The following DSCAM variants were observed in gnomAD, a reference collection of about 807,000 sequenced individuals.
DSCAM encodes DS cell adhesion molecule.
In DSCAM, 47 loss-of-function variants were observed where a neutral mutation model predicts 217.7. That is an observed-to-expected ratio of 0.22 (90% CI 0.17 to 0.28). DSCAM has a LOEUF of 0.28. Ranked by LOEUF, DSCAM falls within the 10% of genes least tolerant of loss-of-function variation. The pLI is 1.00. For missense variants in DSCAM, 2,080 were observed against 2,618.3 expected, an observed-to-expected ratio of 0.79 and a Z score of 4.49; for synonymous variants, 1,056 against 1,015.3, an observed-to-expected ratio of 1.04 and a Z score of -0.76.
At chr21:40,111,624 T>C (rs2089900139) in intron 20 of DSCAM, among the ~76,000 whole-genome samples, 1 of 152,174 alleles carries the variant, frequency 6.6e-6, no homozygotes, top group South Asian at 2.1e-4. Flanking sequence ...GACTGGCAAA[T>C]TGGATAAAGA....
chr21:40,554,671 AT>A (rs912393909), intron 3 of DSCAM, among the ~76,000 whole-genome samples: 4 of 152,196 alleles, frequency 2.6e-5, no homozygotes, highest in African/African-American at 7.2e-5. Flanking sequence ...GCACTAAATT[AT>A]TTTTTAAAAT....
chr21:40,557,172 T>G (rs1171330620), intron 3 of DSCAM, among the ~76,000 whole-genome samples: 2 of 152,072 alleles, frequency 1.3e-5, no homozygotes, highest in African/African-American at 4.8e-5. Flanking sequence ...ATACTAAAAT[T>G]TTATCCCCAG....
chr21:40,837,703 C>A (rs540703562), intron 1 of DSCAM, among the ~76,000 whole-genome samples: 1 of 152,164 alleles, frequency 6.6e-6, no homozygotes, highest in East Asian at 1.9e-4. Flanking sequence ...CACTAGCCAA[C>A]GAAATAGACA....
At chr21:40,165,565 C>A (rs939884375) in intron 16 of DSCAM, among the ~76,000 whole-genome samples, 1 of 152,228 alleles carries the variant, frequency 6.6e-6, no homozygotes, top group Non-Finnish European at 1.5e-5. Flanking sequence ...AGAAATTTAA[C>A]TGCAATGCAC....
At chr21:40,364,519 G>A (rs1432367263) in intron 4 of DSCAM, among the ~76,000 whole-genome samples, 2 of 142,522 alleles carry the variant, frequency 1.4e-5, no homozygotes, top group Non-Finnish European at 3.1e-5. Flanking sequence ...CACACACCGG[G>A]GCCTGTTGTG....
intron 1 of DSCAM, among the ~76,000 whole-genome samples, chr21:40,744,496 G>A (rs1028743927): frequency 9.2e-5 from 14 of 151,616 alleles, no homozygotes; most frequent in African/African-American, 3.4e-4. Flanking sequence ...GTTCCAGTAC[G>A]TATTTAAGTC....
chr21:40,839,604 G>T (rs1465143177), intron 1 of DSCAM, among the ~76,000 whole-genome samples: 2 of 151,804 alleles, frequency 1.3e-5, no homozygotes, highest in Admixed American at 6.6e-5. Context: ...AGTCCAAAGA[G>T]ATTTCATAAT....
At chr21:40,204,670 C>T (rs752824923) in intron 11 of DSCAM, among the ~76,000 whole-genome samples, 6 of 152,124 alleles carry the variant, frequency 3.9e-5, no homozygotes, top group Non-Finnish European at 7.4e-5. Flanking sequence ...ATACACCCAG[C>T]CTGTGGAAGC....
chr21:40,659,491 T>C (rs1454787961), intron 3 of DSCAM, among the ~76,000 whole-genome samples: 3 of 152,162 alleles, frequency 2.0e-5, no homozygotes, highest in Non-Finnish European at 4.4e-5. Flanking sequence ...CTATCTACTA[T>C]TTATCTATTA....
chr21:40,073,209 G>A (rs1482577952), intron 27 of DSCAM, among the ~76,000 whole-genome samples: 2 of 152,182 alleles, frequency 1.3e-5, no homozygotes, highest in African/African-American at 4.8e-5. Context: ...GAGAAGGATG[G>A]AGAGCAATAG....
intron 11 of DSCAM, among the ~76,000 whole-genome samples, chr21:40,258,831 G>A (rs992121470): frequency 1.3e-5 from 2 of 152,186 alleles, no homozygotes; most frequent in African/African-American, 2.4e-5. Context: ...CTAGCCAATC[G>A]AGACAAACAC....
chr21:40,377,279 C>T (rs544140018), intron 3 of DSCAM, among the ~76,000 whole-genome samples: 3 of 152,246 alleles, frequency 2.0e-5, no homozygotes, highest in South Asian at 2.1e-4. Context: ...CTAGAAGTAT[C>T]TGTGCCAGGA....
intron 24 of DSCAM, among the ~76,000 whole-genome samples, chr21:40,083,701 A>G (rs1435060831): frequency 6.6e-6 from 1 of 152,246 alleles, no homozygotes; most frequent in African/African-American, 2.4e-5. Context: ...TTAAATGAGC[A>G]TCCTTGGATG....
At chr21:40,487,951 T>C (rs760748684) in intron 3 of DSCAM, among the ~76,000 whole-genome samples, 1 of 152,198 alleles carries the variant, frequency 6.6e-6, no homozygotes, top group Non-Finnish European at 1.5e-5. Flanking sequence ...ACACTCTAGA[T>C]GGCACTTCGC....
intron 1 of DSCAM, among the ~76,000 whole-genome samples, chr21:40,829,802 A>G (rs2091998391): frequency 6.6e-6 from 1 of 152,218 alleles, no homozygotes; most frequent in Admixed American, 6.5e-5. Context: ...GCTTAGTTGC[A>G]TGGGAGAGGC....
chr21:40,697,995 C>T (rs2090613693), intron 2 of DSCAM, among the ~76,000 whole-genome samples: 1 of 152,052 alleles, frequency 6.6e-6, no homozygotes, highest in Admixed American at 6.6e-5. Context: ...GTGTGTGTGT[C>T]CTCTTCAATT....
chr21:40,146,975 G>A (rs1180224596), intron 16 of DSCAM, among the ~76,000 whole-genome samples: 5 of 152,120 alleles, frequency 3.3e-5, no homozygotes, highest in Admixed American at 1.3e-4. Context: ...CCCTGTAAAC[G>A]TCACCTATAA....
intron 3 of DSCAM, among the ~76,000 whole-genome samples, chr21:40,448,090 T>A (rs950053341): frequency 1.3e-5 from 2 of 152,226 alleles, no homozygotes; most frequent in Non-Finnish European, 2.9e-5. Context: ...TTATAGTCTG[T>A]TTATTGTGTG....
chr21:40,449,978 A>AT (rs1390439033), intron 3 of DSCAM, among the ~76,000 whole-genome samples: 6 of 152,186 alleles, frequency 3.9e-5, no homozygotes, highest in African/African-American at 9.6e-5. Context: ...GTTACATTTG[A>AT]TTTTTTGTGT....
Sources: allele counts gnomAD v4.1 joint callset (sites outside exome capture counted in the v4.1 genomes callset), GRCh38; gene constraint gnomAD v4.1.1; transcripts MANE v1.5; gene names NCBI Gene and HGNC (gene_info 2026-07-23, HGNC 2026-07-21).